MYO5B: variants seen among roughly 807,000 people sequenced by gnomAD.
MYO5B encodes the protein myosin VB, also known as unconventional myosin-Vb.
Under a neutral mutation model 229.3 loss-of-function variants are expected in MYO5B, and 143 were observed. That is an observed-to-expected ratio of 0.62 (90% CI 0.54 to 0.72). The LOEUF (loss-of-function observed/expected upper bound fraction) is 0.72. MYO5B is among the 30% of genes least tolerant of loss of function. The pLI is 0.00. For missense variants in MYO5B, 2,321 were observed against 2,331.0 expected, an observed-to-expected ratio of 1.00 and a Z score of 0.09; for synonymous variants, 918 against 885.2, an observed-to-expected ratio of 1.04 and a Z score of -0.66.
intron 1 of MYO5B, among the ~76,000 whole-genome samples, chr18:50,096,333 C>G (rs1467081349): frequency 6.6e-6 from 1 of 152,152 alleles, no homozygotes; most frequent in Non-Finnish European, 1.5e-5. Flanking sequence ...GCTTCTCACA[C>G]CAAATTCCCC....
At chr18:49,841,480 G>A (rs2024057015) in intron 34 of MYO5B, 26 bp from the exon 35 acceptor site, 1 of 1,585,802 alleles carries the variant, frequency 6.3e-7, no homozygotes, top group Non-Finnish European at 8.7e-7. Context: ...GACATCCTCA[G>A]CTCTAAGTGG....
chr18:49,995,165 A>G (rs1321960135), intron 5 of MYO5B, among the ~76,000 whole-genome samples: 1 of 152,210 alleles, frequency 6.6e-6, no homozygotes, highest in Non-Finnish European at 1.5e-5. Context: ...ACTACCAGAC[A>G]GAAAGCCACC....
At chr18:49,954,500 C>G in intron 12 of MYO5B, 65 bp from the exon 13 acceptor site, 1 of 1,606,472 alleles carries the variant, frequency 6.2e-7, no homozygotes, top group South Asian at 1.1e-5. Flanking sequence ...TGGGTTGCAG[C>G]AGAGGGATGG....
At chr18:50,154,421 C>T (rs1347364795) in intron 1 of MYO5B, among the ~76,000 whole-genome samples, 1 of 152,146 alleles carries the variant, frequency 6.6e-6, no homozygotes, top group East Asian at 1.9e-4. Flanking sequence ...TAATGCTCCA[C>T]CATGCCTTCT....
chr18:49,927,007 G>C (rs796841470), intron 17 of MYO5B, among the ~76,000 whole-genome samples: 1 of 151,978 alleles, frequency 6.6e-6, no homozygotes, highest in Non-Finnish European at 1.5e-5. Context: ...GCTAGGGACT[G>C]GGGGAGAGAG....
intron 4 of MYO5B, among the ~76,000 whole-genome samples, chr18:50,005,305 T>C (rs1264662568): frequency 1.3e-5 from 2 of 152,234 alleles, no homozygotes; most frequent in Non-Finnish European, 2.9e-5. Context: ...GGATCTGCCC[T>C]GAGTCCTGGT....
intron 9 of MYO5B, among the ~76,000 whole-genome samples, chr18:49,979,484 C>T (rs2025791395): frequency 6.6e-6 from 1 of 152,212 alleles, no homozygotes; most frequent in East Asian, 1.9e-4. Context: ...TCAGGTCTTC[C>T]TCTCCCTGAA....
intron 4 of MYO5B, among the ~76,000 whole-genome samples, chr18:50,014,070 A>C (rs946939068): frequency 6.6e-6 from 1 of 152,156 alleles, no homozygotes; most frequent in Non-Finnish European, 1.5e-5. Flanking sequence ...TTCTTCCTTC[A>C]AATTCTTTAC....
At chr18:50,082,576 T>TG (rs1169557026) in intron 1 of MYO5B, among the ~76,000 whole-genome samples, 1 of 152,230 alleles carries the variant, frequency 6.6e-6, no homozygotes, top group Non-Finnish European at 1.5e-5. Flanking sequence ...CAACATACTG[T>TG]GAGACCCAAT....
Position 50,156,767 on chromosome 18 carries a change from G to A in MYO5B, c.27+38000C>T, listed in dbSNP as rs982764171. On this transcript the variant is annotated intron_variant, in intron 1 of 39. Coordinates refer to ENST00000285039, the MANE Select transcript of MYO5B (RefSeq NM_001080467.3). ...AGAATTTTAACAGTGTATCTTACAT[G>A]TAACTTTTCCATTTTGATGATAGAA... Among the ~76,000 whole-genome samples the A allele has an allele frequency of 1.7e-4, 26 of 152,178 alleles. 1 individual carries two copies. The highest frequency in any genetic ancestry group is 1.7e-3 in the Admixed American group (26 of 15,286).
At chr18:49,845,960 C>A (rs372141130) in intron 33 of MYO5B, among the ~76,000 whole-genome samples, 8 of 152,342 alleles carry the variant, frequency 5.3e-5, no homozygotes, top group African/African-American at 1.9e-4. Context: ...CTCCTCTTTT[C>A]ACAGAGAAAA....
Position 49,849,619 on chromosome 18 carries a change from C to T in MYO5B, c.4263G>A (p.Arg1421=), listed in dbSNP as rs995882000. The change falls in exon 32 of 40, where the codon AGG becomes AGA. Residue 1421 remains arginine, a synonymous_variant. Transcript: ENST00000285039. Reference sequence around the variant, plus strand: ...AAATCTTCAGTTGCTTTTTGAGCTTCCTCTCATTCTTTTCCAGCTTTTCTA... The same window carrying T: ...AAATCTTCAGTTGCTTTTTGAGCTTTCTCTCATTCTTTTCCAGCTTTTCTA... The part of the protein sequence containing the change: ...ELVEKLEKNE[R]KLKKQLKIYM... The T allele has an allele frequency of 6.2e-7, 1 of 1,613,894 alleles. No homozygotes were observed. The highest frequency in any genetic ancestry group is 1.1e-5 in the South Asian group (1 of 91,052).
intron 39 of MYO5B, among the ~76,000 whole-genome samples, chr18:49,834,739 C>T (rs1024786005): frequency 1.3e-5 from 2 of 152,036 alleles, no homozygotes; most frequent in Non-Finnish European, 1.5e-5. Flanking sequence ...CCCAGGTTCA[C>T]GCCATTCTCC....
At chr18:50,152,923 ATT>A (rs2032623015) in intron 1 of MYO5B, among the ~76,000 whole-genome samples, 2 of 151,186 alleles carry the variant, frequency 1.3e-5, no homozygotes, top group African/African-American at 4.9e-5. Context: ...TTGTTCATAT[ATT>A]GGTGAATTCT....
At chr18:50,112,769 T>A (rs1479840523) in intron 1 of MYO5B, among the ~76,000 whole-genome samples, 2 of 152,110 alleles carry the variant, frequency 1.3e-5, no homozygotes, top group Non-Finnish European at 2.9e-5. Flanking sequence ...GACAGTAACA[T>A]CCCTATTGTC....
intron 8 of MYO5B, among the ~76,000 whole-genome samples, chr18:49,981,705 C>T (rs779243015): frequency 2.6e-5 from 4 of 152,112 alleles, no homozygotes; most frequent in Admixed American, 6.5e-5. Flanking sequence ...GTAGAATGAC[C>T]GGATCGCTGG....
intron 1 of MYO5B, among the ~76,000 whole-genome samples, chr18:50,156,826 C>T (rs2032686413): frequency 6.6e-6 from 1 of 152,182 alleles, no homozygotes; most frequent in Admixed American, 6.5e-5. Context: ...ACACCTCTCC[C>T]ATCCCAGCCA....
chr18:50,105,704 G>C (rs984970777), intron 1 of MYO5B, among the ~76,000 whole-genome samples: 1 of 151,490 alleles, frequency 6.6e-6, no homozygotes, highest in Non-Finnish European at 1.5e-5. Context: ...AAAGGAATAC[G>C]AAACTCCCCA....
rs555153368 is a variant in MYO5B at position 50,023,566 on chromosome 18, T to C, written c.455+13284A>G. On this transcript the variant is annotated intron_variant, in intron 4 of 39. Transcript: ENST00000285039. ...CCTGGCTCAATTACGGAAGCCACAT[T>C]TTGTGAGATACTTAGAAAAATTGAA... Among the ~76,000 whole-genome samples, 11 of 152,274 alleles carry C rather than the reference T, an allele frequency of 7.2e-5. No homozygotes were observed. In the South Asian group the frequency reaches 1.9e-3, roughly 26 times the overall value.
Sources: gnomAD v4.1 joint callset for allele counts (sites outside exome capture counted in the v4.1 genomes callset) on GRCh38, gnomAD v4.1.1 for gene constraint, MANE v1.5 for transcripts, NCBI Gene and HGNC (gene_info 2026-07-23, HGNC 2026-07-21) for gene names.